MCM10: variants seen among roughly 807,000 people sequenced by gnomAD.
MCM10 encodes the protein minichromosome maintenance 10 replication initiation factor, also known as protein MCM10 homolog.
A neutral mutation model predicts 109.9 loss-of-function variants in MCM10; 91 were observed. The ratio of observed to expected loss-of-function variants is 0.83; its 90% CI spans 0.70 to 0.99. The LOEUF (loss-of-function observed/expected upper bound fraction) is 0.99. Among genes scored for constraint, MCM10 ranks in the 50% least tolerant of loss-of-function variants. The probability of loss-of-function intolerance (pLI) is 0.00; values close to 1 mark genes in which losing one functional copy is unlikely to be tolerated. For missense variants in MCM10, 1,077 were observed against 1,061.2 expected (o/e 1.01, Z -0.21); for synonymous variants, 380 against 387.2 (o/e 0.98, Z 0.22).
rs769236797 is a variant in MCM10 at position 13,175,629 on chromosome 10, G to T, written c.712G>T (p.Gly238Trp). 1 of 1,613,490 alleles carries T rather than the reference G, an allele frequency of 6.2e-7. No homozygotes were observed. Among genetic ancestry groups the T allele is most frequent in the Admixed American group, 1.7e-5 (1 of 59,990 alleles). ...GQIVGTPGSS[G>W]ETTQPICVEA... ...AATTGTGGGGACCCCAGGAAGTTCT[G>T]GGGAAACGACTCAACCCATCTGTGT... The change falls in exon 6 of 20, where the codon GGG becomes TGG. Residue 238 changes from glycine (G) to tryptophan (W), a missense_variant. Transcript: ENST00000378714.
Position 13,201,439 on chromosome 10 carries a change from G to A in MCM10, c.2257G>A (p.Glu753Lys). ...ATTCCAGGCCGAGGCTGAGATGCAG[G>A]AGCGCTACTTTGAGCCACTGGTGAA... Reference protein sequence around the residue: ...ILKEAEAEMQERYFEPLVKKE... With the variant: ...ILKEAEAEMQKRYFEPLVKKE... The change falls in exon 17 of 20, where the codon GAG becomes AAG. Residue 753 changes from glutamate (E) to lysine (K), a missense_variant. Transcript: ENST00000378714. 1 of 1,612,648 alleles carries A rather than the reference G, an allele frequency of 6.2e-7. No homozygotes were observed. Among genetic ancestry groups the A allele is most frequent in the Non-Finnish European group, 8.5e-7 (1 of 1,179,258 alleles).
chr10:13,189,609 C>T (rs1834320882), intron 10 of MCM10, among the ~76,000 whole-genome samples: 1 of 152,226 alleles, frequency 6.6e-6, no homozygotes, highest in African/African-American at 2.4e-5. Flanking sequence ...AGGCATGAGC[C>T]ACTGCTCCCA....
chr10:13,193,839 TG>T (rs935751916), intron 13 of MCM10, among the ~76,000 whole-genome samples: 5 of 152,180 alleles, frequency 3.3e-5, no homozygotes, highest in Non-Finnish European at 7.3e-5. Flanking sequence ...TTCAGAATTT[TG>T]TTGGCCAAGG....
At chr10:13,173,810 G>A (rs1463535221) in intron 5 of MCM10, among the ~76,000 whole-genome samples, 2 of 152,100 alleles carry the variant, frequency 1.3e-5, no homozygotes, top group African/African-American at 4.8e-5. Flanking sequence ...GGTTTTAAGG[G>A]GTGGGGAATG....
intron 17 of MCM10, chr10:13,201,953 C>G (rs1389000300): frequency 6.0e-6 from 1 of 165,462 alleles, no homozygotes; most frequent in Admixed American, 6.1e-5. Flanking sequence ...TCAATCTGCT[C>G]TGTTGAGTCT....
intron 8 of MCM10, among the ~76,000 whole-genome samples, chr10:13,184,180 A>T (rs1211251486): frequency 6.6e-6 from 1 of 151,986 alleles, no homozygotes; most frequent in Non-Finnish European, 1.5e-5. Context: ...TTTTGTAGAG[A>T]CAGGGTTTCA....
At position 13,166,688 on chromosome 10, in the gene MCM10, A is replaced by ATATATATATATATATATG. The variant is rs1435674336; in HGVS notation, c.7+2480_7+2481insATATATATATATATATGT. 8.2e-3 allele frequency among the ~76,000 whole-genome samples: 1,113 copies of ATATATATATATATATATG among 135,574 alleles called. 40 individuals carry two copies. The highest frequency in any genetic ancestry group is 0.032 in the African/African-American group (1,059 of 32,762). The allele number at this position is 135,574 out of a possible 152,430, so 88.9% of individuals were successfully genotyped here. ...TATATATATATATATATATATATAT[A>ATATATATATATATATATG]TCATCAGCTAAGAGTAAAGAGTGGG... On this transcript the variant is annotated intron_variant, in intron 2 of 19. Coordinates refer to ENST00000378714, the MANE Select transcript of MCM10 (RefSeq NM_018518.5).
Position 13,192,484 on chromosome 10 carries a change from C to T in MCM10, c.1661C>T (p.Ser554Phe). 1 of 1,614,150 alleles carries T rather than the reference C, an allele frequency of 6.2e-7. No homozygotes were observed. Among genetic ancestry groups the T allele is most frequent in the South Asian group, 1.1e-5 (1 of 91,082 alleles). The change falls in exon 13 of 20, where the codon TCC becomes TTC. Residue 554 changes from serine to phenylalanine, a missense_variant. Physicochemically the swap from Ser to Phe is radical, Grantham distance 155. Coordinates refer to ENST00000378714, the MANE Select transcript of MCM10 (RefSeq NM_018518.5). ...GGGAGCCCAAAACCAGCCATCAAGT[C>T]CATCTCGGCCTCAGCACTCTTGAAG... is the stretch of plus-strand genomic sequence containing the variant. ...IMGSPKPAIK[S>F]ISASALLKQQ...
At chr10:13,197,917 ATTTTT>A (rs34102127) in intron 15 of MCM10, 150 bp downstream of exon 15, 58 of 515,460 alleles carry the variant, frequency 1.1e-4, no homozygotes, top group Middle Eastern at 5.4e-4. Flanking sequence ...GGTGGAACTG[ATTTTT>A]TTTTTTTTTT....
chr10:13,205,816 G>A (rs911406282), intron 18 of MCM10, among the ~76,000 whole-genome samples: 1 of 152,238 alleles, frequency 6.6e-6, no homozygotes, highest in Non-Finnish European at 1.5e-5. Flanking sequence ...GGCTGACTGT[G>A]TGTGTTGTAA....
At chr10:13,199,854 G>C (rs969152632) in intron 16 of MCM10, among the ~76,000 whole-genome samples, 1 of 152,134 alleles carries the variant, frequency 6.6e-6, no homozygotes, top group Non-Finnish European at 1.5e-5. Flanking sequence ...GTTTTGTCAG[G>C]GGTTGGAGGG....
rs1435674336 is a variant in MCM10, at chr10:13,166,688, A to ATATATATATG, written c.7+2480_7+2481insATATATATGT. On this transcript the variant is annotated intron_variant, in intron 2 of 19. Coordinates refer to ENST00000378714, the MANE Select transcript of MCM10 (RefSeq NM_018518.5). ...TATATATATATATATATATATATAT[A>ATATATATATG]TCATCAGCTAAGAGTAAAGAGTGGG... Among the ~76,000 whole-genome samples the ATATATATATG allele has an allele frequency of 2.8e-4, 38 of 135,922 alleles. 3 individuals are homozygous for ATATATATATG. Among genetic ancestry groups the ATATATATATG allele is most frequent in the African/African-American group, 1.1e-3 (36 of 33,090 alleles). 89.2% of individuals were successfully genotyped at this position (135,922 alleles called of 152,430 possible). A position where few individuals can be genotyped will look rare whatever the true frequency, so the allele number is the denominator to read the frequency against.
chr10:13,204,336 T>C lies in MCM10; in HGVS notation c.2470T>C (p.Leu824=), dbSNP rs752774296. The C allele has an allele frequency of 1.9e-6, 3 of 1,614,066 alleles. No individual in the cohort carries two copies. Among genetic ancestry groups the C allele is most frequent in the East Asian group, 2.2e-5 (1 of 44,904 alleles). ...KCPCGNRSIS[L]DRLPNKHCSN... ...TCCCTGTGGAAACAGAAGCATCTCC[T>C]TGGACAGACTCCCGAACAAGCACTG... Residue 824 remains leucine (L), a synonymous_variant, in exon 18 of 20, where the codon TTG becomes CTG. Coordinates refer to ENST00000378714, the MANE Select transcript of MCM10 (RefSeq NM_018518.5).
intron 2 of MCM10, among the ~76,000 whole-genome samples, chr10:13,167,587 G>GC (rs111529440): frequency 7.8e-6 from 1 of 127,638 alleles, no homozygotes; most frequent in Non-Finnish European, 1.7e-5. Flanking sequence ...GGGAGGACCG[G>GC]GGGGGGCATG....
At chr10:13,186,538 C>T (rs1486061262) in intron 9 of MCM10, among the ~76,000 whole-genome samples, 3 of 152,100 alleles carry the variant, frequency 2.0e-5, no homozygotes, top group African/African-American at 7.2e-5. Flanking sequence ...TTTTGTTTGC[C>T]TTTAATTCTT....
intron 16 of MCM10, among the ~76,000 whole-genome samples, chr10:13,200,146 A>G (rs532197678): frequency 1.3e-5 from 2 of 151,802 alleles, no homozygotes; most frequent in Admixed American, 6.6e-5. Flanking sequence ...TTTTTTAGAG[A>G]CAGGGTTTAT....
chr10:13,195,591 T>TTTATTTA (rs993181728), intron 14 of MCM10: 1 of 25,792 alleles, frequency 3.9e-5, no homozygotes, highest in African/African-American at 1.6e-4. Flanking sequence ...CGTTTATTTA[T>TTTATTTA]TTATTTATTT....
At chr10:13,189,732 G>A (rs1834322817) in intron 10 of MCM10, among the ~76,000 whole-genome samples, 1 of 152,172 alleles carries the variant, frequency 6.6e-6, no homozygotes, top group Non-Finnish European at 1.5e-5. Context: ...ATATGAGTGA[G>A]GCTACAGACC....
Position 13,172,730 on chromosome 10 carries a change from A to G in MCM10, c.557A>G (p.Lys186Arg). ...ELDVPALPRT[K>R]RVARTPKASP... ...GATGTCCCTGCGCTACCAAGAACCA[A>G]GAGGGTGGCTCGAACACCAAAGGCT... The change falls in exon 5 of 20, where the codon AAG becomes AGG. Residue 186 changes from lysine (K) to arginine (R), a missense_variant. Transcript: ENST00000378714. This position sits in a 1 kb window ranked among gnomAD's most constrained non-coding sequence, Gnocchi z 5.2. 6.2e-7 allele frequency: 1 copy of G among 1,614,170 alleles called. No homozygotes were observed. Among genetic ancestry groups the G allele is most frequent in the East Asian group, 2.2e-5 (1 of 44,880 alleles).
Sources: gnomAD v4.1 joint callset for allele counts (sites outside exome capture counted in the v4.1 genomes callset) on GRCh38, gnomAD v4.1.1 for gene constraint, Gnocchi (gnomAD v3.1) non-coding constraint, MANE v1.5 for transcripts, NCBI Gene and HGNC (gene_info 2026-07-23, HGNC 2026-07-21) for gene names.